Variants in HTR4 observed in about 807,000 individuals in gnomAD.
HTR4 encodes the protein 5-hydroxytryptamine receptor 4, also known as 5-hydroxytryptamine (serotonin) receptor 4, G protein-coupled.
A neutral mutation model predicts 36.8 loss-of-function variants in HTR4; 16 were observed. That is an observed-to-expected ratio of 0.43 (90% CI 0.29 to 0.66). The LOEUF is 0.66. Among genes scored for constraint, HTR4 ranks in the 30% least tolerant of loss-of-function variants. The probability of loss-of-function intolerance (pLI) is 0.13; values close to 1 mark genes in which losing one functional copy is unlikely to be tolerated. For missense variants in HTR4, 438 were observed against 490.9 expected, an observed-to-expected ratio of 0.89 and a Z score of 1.02; for synonymous variants, 189 against 185.1, an observed-to-expected ratio of 1.02 and a Z score of -0.17.
chr5:148,602,358 T>C (rs1762028780), intron 2 of HTR4, among the ~76,000 whole-genome samples: 1 of 152,160 alleles, frequency 6.6e-6, no homozygotes, highest in Admixed American at 6.5e-5. Context: ...TTGGAAATTA[T>C]GCAATATCCT....
At chr5:148,520,695 G>C (rs149924173) in intron 5 of HTR4, among the ~76,000 whole-genome samples, 1 of 152,154 alleles carries the variant, frequency 6.6e-6, no homozygotes, top group South Asian at 2.1e-4. Context: ...TTAACAGGGG[G>C]CTTCATACAT....
chr5:148,644,437 T>TTG (rs1561666329), intron 1 of HTR4, among the ~76,000 whole-genome samples: 5 of 142,256 alleles, frequency 3.5e-5, no homozygotes, highest in East Asian at 2.0e-4. Context: ...TTTTTTTTTT[T>TTG]TTTTTTTTTT....
chr5:148,467,497 T>C (rs891027493), intron 5 of HTR4, among the ~76,000 whole-genome samples: 2 of 152,184 alleles, frequency 1.3e-5, no homozygotes, highest in Non-Finnish European at 2.9e-5. Flanking sequence ...CCACAGCCCT[T>C]TCCTTGTGAA....
At chr5:148,632,184 T>A (rs147871976) in intron 2 of HTR4, among the ~76,000 whole-genome samples, 119 of 152,100 alleles carry the variant, frequency 7.8e-4, no homozygotes, top group Non-Finnish European at 1.5e-3. Flanking sequence ...ATTAAAAGGG[T>A]TGGAAAATAT....
intron 2 of HTR4, among the ~76,000 whole-genome samples, chr5:148,573,303 T>C (rs1313119222): frequency 1.3e-5 from 2 of 152,102 alleles, no homozygotes; most frequent in Admixed American, 1.3e-4. Context: ...GGTTAGATTA[T>C]ACTCTGGGAA....
At chr5:148,562,237 C>T (rs1003834040) in intron 2 of HTR4, among the ~76,000 whole-genome samples, 4 of 152,122 alleles carry the variant, frequency 2.6e-5, no homozygotes, top group African/African-American at 9.7e-5. Context: ...GATTTCATGG[C>T]CCGAAGAGAA....
Position 148,523,294 on chromosome 5 carries a change from G to C in HTR4, c.406C>G (p.Leu136Val). Reference protein sequence around the residue: ...PLVYRNKMTPLRIALMLGGCW... With the variant: ...PLVYRNKMTPVRIALMLGGCW... The stretch of plus-strand genomic sequence containing the variant: ...CCTCCCAGCATTAATGCGATGCGCA[G>C]AGGGGTCATCTTGTTCCTATAGACC... The change falls in exon 5 of 7, where the codon CTG becomes GTG. Residue 136 changes from leucine to valine, a missense_variant. Leu to Val is a conservative substitution (Grantham distance 32, BLOSUM62 1). Transcript: ENST00000377888. 1.2e-6 allele frequency: 2 copies of C among 1,613,324 alleles called. No homozygotes were observed. The highest frequency in any genetic ancestry group is 1.7e-6 in the Non-Finnish European group (2 of 1,179,668).
At chr5:148,632,321 G>T (rs938481303) in intron 2 of HTR4, among the ~76,000 whole-genome samples, 3 of 152,086 alleles carry the variant, frequency 2.0e-5, no homozygotes, top group Non-Finnish European at 4.4e-5. Flanking sequence ...CCATTTATAT[G>T]ATTCATAATC....
At chr5:148,512,821 C>T (rs1757559046) in intron 5 of HTR4, among the ~76,000 whole-genome samples, 1 of 151,972 alleles carries the variant, frequency 6.6e-6, no homozygotes, top group African/African-American at 2.4e-5. Context: ...ATTCTAGCTC[C>T]TAGGGTGGCT....
chr5:148,506,545 C>A (rs577700843), intron 6 of HTR4, among the ~76,000 whole-genome samples: 1 of 152,140 alleles, frequency 6.6e-6, no homozygotes, highest in Non-Finnish European at 1.5e-5. Context: ...AACTAAAGAG[C>A]TTCTGCACAG....
At chr5:148,590,487 G>C (rs1319846589) in intron 2 of HTR4, among the ~76,000 whole-genome samples, 5 of 150,304 alleles carry the variant, frequency 3.3e-5, no homozygotes, top group Non-Finnish European at 5.9e-5. Context: ...ATAGAGACGG[G>C]GTTGGTATTA....
At chr5:148,476,569 G>C (rs1046936448), downstream of HTR4, 59 of 1,430,722 alleles carry the variant, frequency 4.1e-5, no homozygotes, top group Non-Finnish European at 4.8e-5. Flanking sequence ...TGGGACTGAA[G>C]GGGCAAAGTG....
intron 1 of HTR4, among the ~76,000 whole-genome samples, chr5:148,652,651 T>C (rs1028257685): frequency 6.6e-6 from 1 of 152,180 alleles, no homozygotes; most frequent in South Asian, 2.1e-4. Context: ...CTGCTCGATA[T>C]GAACTGAACT....
intron 2 of HTR4, among the ~76,000 whole-genome samples, chr5:148,618,394 G>A (rs1752785379): frequency 6.6e-6 from 1 of 152,166 alleles, no homozygotes; most frequent in Non-Finnish European, 1.5e-5. Flanking sequence ...TCTCCAACCA[G>A]GCTCAGCTTA....
At chr5:148,617,340 C>T (rs149856365) in intron 2 of HTR4, among the ~76,000 whole-genome samples, 3 of 152,216 alleles carry the variant, frequency 2.0e-5, no homozygotes, top group East Asian at 3.8e-4. Flanking sequence ...CTTGTACAGA[C>T]TACCCAACCA....
intron 2 of HTR4, among the ~76,000 whole-genome samples, chr5:148,605,348 T>C (rs1401926123): frequency 2.2e-5 from 3 of 138,984 alleles, no homozygotes; most frequent in Non-Finnish European, 3.0e-5. Flanking sequence ...AACCTCCGCC[T>C]CCCAGGTTCA....
At chr5:148,550,059 A>G in intron 3 of HTR4, 78 bp downstream of exon 3, 1 of 1,414,846 alleles carries the variant, frequency 7.1e-7, no homozygotes, top group South Asian at 1.4e-5. Context: ...AAATTCTAAT[A>G]GAAATGTTCA....
intron 5 of HTR4, among the ~76,000 whole-genome samples, chr5:148,522,207 C>T (rs927006521): frequency 2.6e-5 from 4 of 152,098 alleles, no homozygotes; most frequent in African/African-American, 9.7e-5. Flanking sequence ...AACTGTGAGT[C>T]CATTAAGCCT....
intron 1 of HTR4, among the ~76,000 whole-genome samples, chr5:148,643,810 T>C (rs1315440227): frequency 1.3e-5 from 2 of 152,222 alleles, no homozygotes; most frequent in South Asian, 2.1e-4. Flanking sequence ...TGTTCAATTA[T>C]TGATCTATGT....
Sources: allele counts gnomAD v4.1 joint callset (sites outside exome capture counted in the v4.1 genomes callset), GRCh38; gene constraint gnomAD v4.1.1; transcripts MANE v1.5; gene names NCBI Gene and HGNC (gene_info 2026-07-23, HGNC 2026-07-21).